The following EPHA6 variants were observed in gnomAD, a reference collection of about 807,000 sequenced individuals.
EPHA6 encodes the protein EPH receptor A6.
EPHA6 carries 50 observed loss-of-function variants against 112.0 expected under a neutral mutation model. The ratio of observed to expected loss-of-function variants is 0.45; its 90% CI spans 0.36 to 0.56. The LOEUF is 0.56. Among genes scored for constraint, EPHA6 ranks in the 20% least tolerant of loss-of-function variants. EPHA6 has a pLI of 0.00. For synonymous variants in EPHA6, 529 were observed against 490.7 expected, an observed-to-expected ratio of 1.08 and a Z score of -1.03; for missense variants, 1,280 against 1,417.4, an observed-to-expected ratio of 0.90 and a Z score of 1.56.
intron 14 of EPHA6, among the ~76,000 whole-genome samples, chr3:97,698,096 G>A (rs1213208911): frequency 1.3e-5 from 2 of 152,182 alleles, no homozygotes; most frequent in Non-Finnish European, 2.9e-5. Context: ...TCCGCCTCCC[G>A]GGTTCAAGCA....
intron 5 of EPHA6, among the ~76,000 whole-genome samples, chr3:97,300,960 G>A (rs992346537): frequency 6.6e-6 from 1 of 152,084 alleles, no homozygotes; most frequent in Non-Finnish European, 1.5e-5. Flanking sequence ...TCATTAAGCT[G>A]CACAGAAAAC....
intron 3 of EPHA6, among the ~76,000 whole-genome samples, chr3:97,198,634 T>C (rs1181691797): frequency 2.6e-5 from 4 of 152,144 alleles, no homozygotes; most frequent in African/African-American, 9.6e-5. Flanking sequence ...CATTTTTCTT[T>C]GGGAACTAAA....
chr3:97,440,731 C>T (rs1045251834), intron 6 of EPHA6, among the ~76,000 whole-genome samples: 3 of 151,238 alleles, frequency 2.0e-5, no homozygotes, highest in Non-Finnish European at 4.4e-5. Context: ...AAGGAATGAG[C>T]AAGTGTAAAA....
intron 5 of EPHA6, among the ~76,000 whole-genome samples, chr3:97,275,066 C>A (rs907011534): frequency 2.0e-5 from 3 of 152,122 alleles, no homozygotes; most frequent in African/African-American, 7.2e-5. Flanking sequence ...AGCCGCTGAA[C>A]GCAAACATGA....
At chr3:97,458,160 T>G (rs935464665) in intron 7 of EPHA6, among the ~76,000 whole-genome samples, 15 of 149,068 alleles carry the variant, frequency 1.0e-4, no homozygotes, top group African/African-American at 3.5e-4. Flanking sequence ...GAAATTTAAA[T>G]TGAGTAACAA....
intron 14 of EPHA6, 148 bp from the exon 15 acceptor site, chr3:97,720,113 T>G: frequency 1.7e-6 from 1 of 591,488 alleles, no homozygotes; most frequent in Non-Finnish European, 2.6e-6. Context: ...ATTTTAACAT[T>G]ATTCTGGCTT....
At chr3:97,691,485 G>A (rs1341772580) in intron 14 of EPHA6, among the ~76,000 whole-genome samples, 1 of 151,908 alleles carries the variant, frequency 6.6e-6, no homozygotes, top group Non-Finnish European at 1.5e-5. Flanking sequence ...CCTTTTTTCT[G>A]TTGTTGGTTT....
chr3:97,586,018 T>C (rs2093484480), intron 11 of EPHA6, among the ~76,000 whole-genome samples: 1 of 152,366 alleles, frequency 6.6e-6, no homozygotes, highest in Middle Eastern at 3.4e-3. Flanking sequence ...CTTCCAGCTA[T>C]AGAAAGTTGC....
At chr3:97,680,678 A>G (rs1024039293) in intron 14 of EPHA6, among the ~76,000 whole-genome samples, 2 of 152,194 alleles carry the variant, frequency 1.3e-5, no homozygotes, top group African/African-American at 4.8e-5. Flanking sequence ...CTAAGACCAA[A>G]CTAATGGCAG....
chr3:97,181,864 A>G (rs901710174), intron 3 of EPHA6, among the ~76,000 whole-genome samples: 20 of 152,116 alleles, frequency 1.3e-4, no homozygotes, highest in Middle Eastern at 3.4e-3. Context: ...CTTCTTTTCG[A>G]TGGCTCCACT....
chr3:97,350,207 C>T (rs1017359263), intron 5 of EPHA6, among the ~76,000 whole-genome samples: 1 of 152,036 alleles, frequency 6.6e-6, no homozygotes, highest in Non-Finnish European at 1.5e-5. Flanking sequence ...AGCAGAAAGC[C>T]TGACCATAAA....
chr3:97,417,549 C>G (rs939375951), intron 6 of EPHA6, among the ~76,000 whole-genome samples: 3 of 151,824 alleles, frequency 2.0e-5, no homozygotes, highest in Non-Finnish European at 4.4e-5. Context: ...AAAGCATACT[C>G]TTGATGGTAA....
intron 6 of EPHA6, among the ~76,000 whole-genome samples, chr3:97,414,975 C>T (rs2088014246): frequency 6.6e-6 from 1 of 151,892 alleles, no homozygotes; most frequent in Admixed American, 6.6e-5. Context: ...GCCTGGAGAG[C>T]ATTTTCTGAT....
chr3:97,146,284 A>G (rs868285859), intron 3 of EPHA6, among the ~76,000 whole-genome samples: 2 of 151,808 alleles, frequency 1.3e-5, no homozygotes, highest in Admixed American at 6.6e-5. Context: ...TTTTCTCTGT[A>G]GTTTACCTGC....
chr3:97,059,722 A>G (rs555622268), intron 3 of EPHA6, among the ~76,000 whole-genome samples: 1 of 150,640 alleles, frequency 6.6e-6, no homozygotes, highest in South Asian at 2.1e-4. Context: ...TAATAAATAT[A>G]ATGATAAGTG....
intron 5 of EPHA6, among the ~76,000 whole-genome samples, chr3:97,320,054 C>T (rs1272873056): frequency 1.3e-5 from 2 of 152,056 alleles, no homozygotes; most frequent in Non-Finnish European, 2.9e-5. Flanking sequence ...CTTTCTTTAT[C>T]TATTTCTTCT....
intron 5 of EPHA6, among the ~76,000 whole-genome samples, chr3:97,315,420 A>G (rs1434183200): frequency 6.6e-6 from 1 of 151,766 alleles, no homozygotes; most frequent in Non-Finnish European, 1.5e-5. Flanking sequence ...CCTCCCTAAT[A>G]AGATGACTTT....
chr3:97,207,138 A>G (rs1267513391), intron 3 of EPHA6, among the ~76,000 whole-genome samples: 1 of 152,128 alleles, frequency 6.6e-6, no homozygotes, highest in Non-Finnish European at 1.5e-5. Flanking sequence ...GTAAAATGTT[A>G]TGTTAATTCC....
chr3:97,405,610 T>C (rs719634), intron 6 of EPHA6, among the ~76,000 whole-genome samples: 18,300 of 152,076 alleles, frequency 0.12, 3,524 homozygotes, highest in African/African-American at 0.4. Context: ...AAAATTCAGA[T>C]GGGAAGAAAT....
Sources: allele counts gnomAD v4.1 joint callset (sites outside exome capture counted in the v4.1 genomes callset), GRCh38; gene constraint gnomAD v4.1.1; transcripts MANE v1.5; gene names NCBI Gene and HGNC (gene_info 2026-07-23, HGNC 2026-07-21).